MMAB: variants seen among roughly 807,000 people sequenced by gnomAD.
The protein encoded by MMAB is metabolism of cobalamin associated B, also known as corrinoid adenosyltransferase MMAB.
MMAB carries 17 observed loss-of-function variants against 30.6 expected under a neutral mutation model. That is an observed-to-expected ratio of 0.56 (90% confidence interval 0.38 to 0.83). The LOEUF is 0.83. MMAB is among the 40% of genes least tolerant of loss of function. The probability of loss-of-function intolerance (pLI) is 0.00; values close to 1 mark genes in which losing one functional copy is unlikely to be tolerated. For synonymous variants in MMAB, 134 were observed against 138.6 expected (o/e 0.97, Z 0.23); for missense variants, 311 against 331.6 (o/e 0.94, Z 0.48).
At chr12:109,563,684 G>A (rs1029562111) in intron 4 of MMAB, among the ~76,000 whole-genome samples, 6 of 152,236 alleles carry the variant, frequency 3.9e-5, no homozygotes, top group African/African-American at 7.2e-5. Flanking sequence ...CGCTGCTACC[G>A]CGGCTCCTCA....
In MMAB at chr12:109,566,900, G is replaced by A. The variant is rs1436949044; in HGVS notation, c.291-1724C>T. 5.6e-5 allele frequency: 25 copies of A among 447,082 alleles called. No homozygotes were observed. In the Admixed American group the frequency reaches 5.7e-4, roughly 10 times the overall value. 27.7% of individuals were successfully genotyped at this position (447,082 alleles called of 1,614,324 possible). On this transcript the variant is annotated intron_variant, in intron 3 of 8. Transcript: ENST00000545712. ...TTTCTCCCTTTGCCCACTTGGTCTTGTGTCTGCCCTCTTCTGGACCCCCTC... is the reference window on the plus strand; with the variant it reads ...TTTCTCCCTTTGCCCACTTGGTCTTATGTCTGCCCTCTTCTGGACCCCCTC...
At chr12:109,565,822 T>G (rs1347557860) in intron 3 of MMAB, among the ~76,000 whole-genome samples, 2 of 152,016 alleles carry the variant, frequency 1.3e-5, no homozygotes, top group African/African-American at 4.8e-5. Flanking sequence ...CTTTGAAGGC[T>G]GGGGAGGACT....
intron 2 of MMAB, among the ~76,000 whole-genome samples, chr12:109,570,706 CA>C (rs964617712): frequency 6.6e-6 from 1 of 151,420 alleles, no homozygotes; most frequent in Admixed American, 6.6e-5. Context: ...CTCATCTCTA[CA>C]AAAAAAATTA....
chr12:109,561,170 C>CCTCTGAAGTCCAGCCCTGCCCCCCAA lies in MMAB; in HGVS notation c.520-92_520-67dup. On this transcript the variant is annotated intron_variant, in intron 6 of 8. Coordinates refer to ENST00000545712, the MANE Select transcript of MMAB (RefSeq NM_052845.4). This position sits in a 1 kb window ranked among gnomAD's most constrained non-coding sequence, Gnocchi z 5.3. ...GGTGTGCCCACTGCGGACAGGAGCT[C>CCTCTGAAGTCCAGCCCTGCCCCCCAA]CTCTGAAGTCCAGCCCTGCCCCCCA... 6.3e-7 allele frequency: 1 copy of CCTCTGAAGTCCAGCCCTGCCCCCCAA among 1,597,524 alleles called. No homozygotes were observed. The highest frequency in any genetic ancestry group is 1.1e-5 in the South Asian group (1 of 91,004).
chr12:109,562,411 T>TGG (rs1466819012), intron 4 of MMAB, among the ~76,000 whole-genome samples: 28 of 152,344 alleles, frequency 1.8e-4, no homozygotes, highest in African/African-American at 5.8e-4. Context: ...GAAAGCAAAC[T>TGG]CTGAACTTTC....
rs1250364199 is a variant in MMAB at position 109,561,381 on chromosome 12, G to A, written c.519+39C>T. On this transcript the variant is annotated intron_variant, in intron 6 of 8. Transcript: ENST00000545712. The surrounding 1 kb of genome is among the most constrained non-coding windows in gnomAD (Gnocchi z 5.3). ...CCCATGTGTGTCTGTCACTGAACCT[G>A]CCTGCAGCCGCCCCCGGTTAAGCCT... 1.3e-6 allele frequency: 2 copies of A among 1,545,724 alleles called. No homozygotes were observed. Among genetic ancestry groups the A allele is most frequent in the South Asian group, 1.2e-5 (1 of 83,974 alleles).
intron 2 of MMAB, among the ~76,000 whole-genome samples, chr12:109,570,263 CA>C (rs1216961700): frequency 1.3e-5 from 2 of 151,566 alleles, no homozygotes; most frequent in East Asian, 3.9e-4. Flanking sequence ...TCTCAAAAAA[CA>C]AAAAAAGATA....
chr12:109,554,633 G>A lies in MMAB; in HGVS notation c.*2395C>T, dbSNP rs753782924. 20 of 454,096 alleles carry A rather than the reference G, an allele frequency of 4.4e-5. No individual in the cohort carries two copies. The highest frequency in any genetic ancestry group is 6.2e-5 in the Non-Finnish European group (14 of 226,792). The allele number at this position is 454,096 out of a possible 1,614,324, so 28.1% of individuals were successfully genotyped here. A position where few individuals can be genotyped will look rare whatever the true frequency, so the allele number is the denominator to read the frequency against. On this transcript the variant is annotated 3_prime_UTR_variant, in exon 9 of 9. Coordinates refer to ENST00000545712, the MANE Select transcript of MMAB (RefSeq NM_052845.4). ...AGTGGTGTGCAAACACTGGGGCAGC[G>A]GGGGCTTCGCAGTCACATTTCCTGA...
At position 109,557,123 on chromosome 12, in the gene MMAB, G is replaced by C; in HGVS notation, c.658C>G (p.Leu220Val). The C allele has an allele frequency of 6.2e-7, 1 of 1,611,220 alleles. No individual in the cohort carries two copies. The highest frequency in any genetic ancestry group is 1.3e-5 in the African/African-American group (1 of 75,014). Residue 220 changes from leucine to valine, a missense_variant, in exon 9 of 9, where the codon CTC becomes GTC. Transcript: ENST00000545712. ...AKFLNRLSDY[L>V]FTLARYAAMK... is the part of the protein sequence containing the mutation. ...GCTGCATATCTGGCTAGCGTGAAGA[G>C]ATAGTCACTGAGTCTGGAGGGGCAG...
chr12:109,559,194 G>A (rs1884101858), intron 7 of MMAB, 39 bp from the exon 8 acceptor site: 1 of 1,473,816 alleles, frequency 6.8e-7, no homozygotes, highest in South Asian at 1.1e-5. Flanking sequence ...TGACATTATG[G>A]GGCTCAACAG....
intron 8 of MMAB, 43 bp from the exon 9 acceptor site, chr12:109,557,179 T>C: frequency 7.4e-7 from 1 of 1,344,928 alleles, no homozygotes; most frequent in Non-Finnish European, 1.1e-6. Flanking sequence ...TGGTTTGAAA[T>C]GAGAGATCAA....
Position 109,555,698 on chromosome 12 carries a change from C to T in MMAB, c.*1330G>A. ...CTCCTGGTCATCTGCACCTCACCCA[C>T]CCTGCCCAAGGCTCAAGAGGGCCAT... On this transcript the variant is annotated 3_prime_UTR_variant, in exon 9 of 9. Transcript: ENST00000545712. 1 of 453,816 alleles carries T rather than the reference C, an allele frequency of 2.2e-6. No individual in the cohort carries two copies. Among genetic ancestry groups the T allele is most frequent in the South Asian group, 1.6e-5 (1 of 64,474 alleles). The allele number at this position is 453,816 out of a possible 1,614,324, so 28.1% of individuals were successfully genotyped here.
intron 1 of MMAB, chr12:109,573,140 A>G (rs776190288): frequency 1.5e-4 from 96 of 656,838 alleles, no homozygotes; most frequent in Non-Finnish European, 2.1e-4. Flanking sequence ...GCCCTGCCCG[A>G]TGATAGCGGG....
chr12:109,568,888 C>G, intron 2 of MMAB, 25 bp from the exon 3 acceptor site: 1 of 1,533,828 alleles, frequency 6.5e-7, no homozygotes, highest in Non-Finnish European at 9.0e-7. Flanking sequence ...GTTTAGCCAC[C>G]CAAATTAAGA....
rs1373241803 is a variant in MMAB, at chr12:109,557,023, T to C, written c.*5A>G. Reference sequence around the variant, plus strand: ...GGATCCTCCAAGCTCCCACTTTCTGTGATTTCAGAGTCCCTCAGACTCGGC... The same window carrying C: ...GGATCCTCCAAGCTCCCACTTTCTGCGATTTCAGAGTCCCTCAGACTCGGC... On this transcript the variant is annotated 3_prime_UTR_variant, in exon 9 of 9. Transcript: ENST00000545712. The C allele has an allele frequency of 6.3e-7, 1 of 1,586,078 alleles. No individual in the cohort carries two copies. The highest frequency in any genetic ancestry group is 2.2e-5 in the East Asian group (1 of 44,770).
At position 109,559,091 on chromosome 12, in the gene MMAB, A is replaced by G. The variant is rs770529642; in HGVS notation, c.644+5T>C. ...GAGAGGAACCCCCAGGTTCCACGCG[A>G]GTACCTGTTTAAGAACTTGGCCACG... On this transcript the variant is annotated splice_donor_5th_base_variant and intron_variant, in intron 8 of 8. Transcript: ENST00000545712. The G allele has an allele frequency of 6.2e-7, 1 of 1,611,822 alleles. No individual in the cohort carries two copies. Among genetic ancestry groups the G allele is most frequent in the African/African-American group, 1.3e-5 (1 of 75,010 alleles).
chr12:109,556,795 C>G lies in MMAB; in HGVS notation c.*233G>C, dbSNP rs1490467458. The G allele has an allele frequency of 6.2e-6, 4 of 647,588 alleles. No individual in the cohort carries two copies. The highest frequency in any genetic ancestry group is 2.1e-5 in the Admixed American group (1 of 48,286). The allele number at this position is 647,588 out of a possible 1,614,324, so 40.1% of individuals were successfully genotyped here. A position where few individuals can be genotyped will look rare whatever the true frequency, so the allele number is the denominator to read the frequency against. On this transcript the variant is annotated 3_prime_UTR_variant, in exon 9 of 9. Transcript: ENST00000545712. ...CTGCAATGCCAATTCATTCCCACAT[C>G]CCTCCAAGACCCAGGAGAGCTTGGG...
In MMAB at chr12:109,554,040, C is replaced by T. The variant is rs1428096703; in HGVS notation, c.*2988G>A. 1 of 454,112 alleles carries T rather than the reference C, an allele frequency of 2.2e-6. No individual in the cohort carries two copies. 28.1% of individuals were successfully genotyped at this position (454,112 alleles called of 1,614,324 possible). On this transcript the variant is annotated 3_prime_UTR_variant, in exon 9 of 9. Transcript: ENST00000545712. ...ATGAGACAGCAGGATCTATCAGAGCCTGGCATTGTTCGCCACAGCCCAGGT... is the reference window on the plus strand; with the variant it reads ...ATGAGACAGCAGGATCTATCAGAGCTTGGCATTGTTCGCCACAGCCCAGGT...
At chr12:109,564,302 C>T (rs1566134285) in intron 4 of MMAB, among the ~76,000 whole-genome samples, 1 of 152,114 alleles carries the variant, frequency 6.6e-6, no homozygotes, top group Non-Finnish European at 1.5e-5. Flanking sequence ...TTTTAAATTC[C>T]CTCATTTAGT....
Sources: allele counts gnomAD v4.1 joint callset (sites outside exome capture counted in the v4.1 genomes callset), GRCh38; gene constraint gnomAD v4.1.1; non-coding constraint Gnocchi (gnomAD v3.1); transcripts MANE v1.5; gene names NCBI Gene and HGNC (gene_info 2026-07-23, HGNC 2026-07-21).